Variants in GRIN2A observed in about 807,000 individuals in gnomAD.
GRIN2A encodes glutamate receptor ionotropic, NMDA 2A.
A neutral mutation model predicts 113.4 loss-of-function variants in GRIN2A; 22 were observed. The observed-to-expected ratio is 0.19, with a 90% confidence interval of 0.14 to 0.28. GRIN2A has a LOEUF of 0.28. Ranked by LOEUF, GRIN2A falls within the 10% of genes least tolerant of loss-of-function variation. GRIN2A has a pLI of 1.00. For synonymous variants in GRIN2A, 827 were observed against 738.4 expected (o/e 1.12, Z -1.94); for missense variants, 1,502 against 1,887.0 (o/e 0.80, Z 3.78).
At chr16:10,159,081 A>G (rs2049760979) in intron 2 of GRIN2A, among the ~76,000 whole-genome samples, 1 of 152,150 alleles carries the variant, frequency 6.6e-6, no homozygotes, top group South Asian at 2.1e-4. Flanking sequence ...CCTGCCTACC[A>G]GCAGTGTCAC....
At chr16:9,906,719 T>C (rs1166785257) in intron 3 of GRIN2A, among the ~76,000 whole-genome samples, 3 of 152,244 alleles carry the variant, frequency 2.0e-5, no homozygotes, top group Admixed American at 2.0e-4. Flanking sequence ...AGCCTGGATC[T>C]AGACACGCAA....
chr16:10,023,470 C>T (rs553137439), intron 2 of GRIN2A, among the ~76,000 whole-genome samples: 1 of 152,214 alleles, frequency 6.6e-6, no homozygotes, highest in African/African-American at 2.4e-5. Context: ...TGATTAGTAA[C>T]CTGGCACAAA....
At chr16:10,034,832 A>G (rs2046995925) in intron 2 of GRIN2A, among the ~76,000 whole-genome samples, 1 of 152,206 alleles carries the variant, frequency 6.6e-6, no homozygotes, top group Non-Finnish European at 1.5e-5. Context: ...GACTGTCTGC[A>G]TTCAGTGATT....
intron 2 of GRIN2A, among the ~76,000 whole-genome samples, chr16:9,942,400 T>G (rs1366219058): frequency 1.3e-5 from 2 of 152,140 alleles, no homozygotes. Flanking sequence ...CCCCGTGGCT[T>G]TGAAAAAGTG....
At chr16:9,971,335 C>T (rs2141738872) in intron 2 of GRIN2A, among the ~76,000 whole-genome samples, 1 of 152,318 alleles carries the variant, frequency 6.6e-6, no homozygotes, top group Middle Eastern at 3.4e-3. Flanking sequence ...ATCCAAGCCA[C>T]ATAAAAAGGT....
At chr16:10,143,406 T>G (rs1159956454) in intron 2 of GRIN2A, among the ~76,000 whole-genome samples, 1 of 152,174 alleles carries the variant, frequency 6.6e-6, no homozygotes, top group Non-Finnish European at 1.5e-5. Context: ...ATAAATAGCA[T>G]ATCTGAACCA....
chr16:9,962,767 C>G (rs897836141), intron 2 of GRIN2A, among the ~76,000 whole-genome samples: 1 of 152,104 alleles, frequency 6.6e-6, no homozygotes, highest in African/African-American at 2.4e-5. Flanking sequence ...CATCCCATTA[C>G]TGAGTATATA....
chr16:9,850,046 C>A, intron 4 of GRIN2A, 85 bp from the exon 5 acceptor site: 1 of 1,159,946 alleles, frequency 8.6e-7, no homozygotes, highest in Non-Finnish European at 1.3e-6. Flanking sequence ...CCAGAGACAT[C>A]CATCCGTCTC....
chr16:9,766,790 TAAA>T (rs754780418), intron 12 of GRIN2A, among the ~76,000 whole-genome samples: 12 of 152,168 alleles, frequency 7.9e-5, no homozygotes, highest in Non-Finnish European at 1.2e-4. Flanking sequence ...ATTGCTCCCA[TAAA>T]ACTTGGGGTC....
chr16:10,119,944 T>A (rs1480917220), intron 2 of GRIN2A, among the ~76,000 whole-genome samples: 1 of 152,234 alleles, frequency 6.6e-6, no homozygotes, highest in Admixed American at 6.5e-5. Flanking sequence ...TAGTACTCCA[T>A]GCTGTATATG....
At chr16:9,917,733 G>T (rs2044279484) in intron 3 of GRIN2A, among the ~76,000 whole-genome samples, 2 of 152,156 alleles carry the variant, frequency 1.3e-5, no homozygotes, top group Non-Finnish European at 2.9e-5. Flanking sequence ...TTGTGTGGTT[G>T]GATGTGTGTA....
At chr16:9,765,849 C>T (rs1900888910) in intron 12 of GRIN2A, among the ~76,000 whole-genome samples, 1 of 152,190 alleles carries the variant, frequency 6.6e-6, no homozygotes, top group Non-Finnish European at 1.5e-5. Flanking sequence ...TTAAATCCAT[C>T]CAGGGAACTG....
chr16:9,982,434 C>T (rs1205637993), intron 2 of GRIN2A, among the ~76,000 whole-genome samples: 1 of 152,176 alleles, frequency 6.6e-6, no homozygotes, highest in Non-Finnish European at 1.5e-5. Flanking sequence ...ACTATTCCTT[C>T]TTCATTTATT....
intron 2 of GRIN2A, among the ~76,000 whole-genome samples, chr16:10,008,197 C>T (rs1040010583): frequency 3.9e-5 from 6 of 152,124 alleles, no homozygotes; most frequent in South Asian, 2.1e-4. Flanking sequence ...AGGTCATGAT[C>T]TTATGACAGT....
In GRIN2A at chr16:9,792,105, G is replaced by GTGTGTGTGTGTGTGTC. The variant is rs3831728; in HGVS notation, c.2356+6171_2356+6172insGACACACACACACACA. Among the ~76,000 whole-genome samples the GTGTGTGTGTGTGTGTC allele has an allele frequency of 9.7e-3, 1,463 of 151,172 alleles. 30 individuals carry two copies. Among genetic ancestry groups the GTGTGTGTGTGTGTGTC allele is most frequent in the African/African-American group, 0.034 (1,382 of 41,034 alleles). On this transcript the variant is annotated intron_variant, in intron 11 of 12. Transcript: ENST00000330684. ...TGTGTGTGTGTGTGTGTGTGTGTGT[G>GTGTGTGTGTGTGTGTC]TGTATCTTTCAAATATTTAACATAT...
intron 2 of GRIN2A, among the ~76,000 whole-genome samples, chr16:10,119,653 A>C (rs2048795560): frequency 6.6e-6 from 1 of 152,166 alleles, no homozygotes; most frequent in African/African-American, 2.4e-5. Context: ...TTTGGTACAC[A>C]CATTTGGTAC....
At chr16:10,011,094 A>G (rs1414482924) in intron 2 of GRIN2A, among the ~76,000 whole-genome samples, 1 of 152,226 alleles carries the variant, frequency 6.6e-6, no homozygotes, top group Non-Finnish European at 1.5e-5. Context: ...AACTGGGAAG[A>G]ATACTTATCT....
At chr16:9,791,921 A>G (rs1199000485) in intron 11 of GRIN2A, among the ~76,000 whole-genome samples, 5 of 152,150 alleles carry the variant, frequency 3.3e-5, no homozygotes, top group Non-Finnish European at 5.9e-5. Flanking sequence ...GAATGGTGCT[A>G]TTAAAACTCT....
chr16:9,820,187 C>T (rs577268232), intron 10 of GRIN2A, among the ~76,000 whole-genome samples: 1 of 152,200 alleles, frequency 6.6e-6, no homozygotes, highest in Non-Finnish European at 1.5e-5. Flanking sequence ...AGAAAACAAC[C>T]CATTTTGTGC....
Sources: allele counts gnomAD v4.1 joint callset (sites outside exome capture counted in the v4.1 genomes callset), GRCh38; gene constraint gnomAD v4.1.1; transcripts MANE v1.5; gene names NCBI Gene and HGNC (gene_info 2026-07-23, HGNC 2026-07-21).